Variants in MYT1L observed in about 807,000 individuals in gnomAD.
MYT1L encodes myelin transcription factor 1-like protein.
A neutral mutation model predicts 126.7 loss-of-function variants in MYT1L; 12 were observed. The observed-to-expected ratio is 0.09, with a 90% confidence interval of 0.06 to 0.15. MYT1L has a LOEUF of 0.15. Among genes scored for constraint, MYT1L ranks in the 10% least tolerant of loss-of-function variants. MYT1L has a pLI of 1.00. For synonymous variants in MYT1L, 541 were observed against 604.2 expected (o/e 0.90, Z 1.53); for missense variants, 979 against 1,585.2 (o/e 0.62, Z 6.49).
chr2:1,981,377 G>T (rs77307034), intron 5 of MYT1L, among the ~76,000 whole-genome samples: 2,586 of 152,308 alleles, frequency 0.017, 69 homozygotes, highest in African/African-American at 0.057. Context: ...TGGAAGCCAA[G>T]GAAAGATGCT....
intron 3 of MYT1L, among the ~76,000 whole-genome samples, chr2:2,081,072 A>G (rs535511795): frequency 6.6e-6 from 1 of 152,300 alleles, no homozygotes; most frequent in Admixed American, 6.5e-5. Flanking sequence ...AGAGGTTCTA[A>G]AGTTAGAATA....
Position 1,912,071 on chromosome 2 carries a change from G to A in MYT1L, c.1658C>T (p.Pro553Leu). The A allele has an allele frequency of 1.3e-6, 2 of 1,594,978 alleles. No homozygotes were observed. Among genetic ancestry groups the A allele is most frequent in the East Asian group, 2.3e-5 (1 of 44,240 alleles). The change falls in exon 12 of 25, where the codon CCG (proline) becomes CTG (leucine). Residue 553 changes from proline to leucine, a missense_variant. Physicochemically the swap from Pro to Leu is moderately conservative, Grantham distance 98 (BLOSUM62 -3). This residue lies in a region of MYT1L where 82 missense variants were observed against 177.2 expected (regional missense o/e 0.46). Transcript: ENST00000647738. The surrounding 1 kb of genome is among the most constrained non-coding windows in gnomAD (Gnocchi z 4.3). ...MHESVLKCPT[P>L]GCTGRGHVNS... ...GACATGCCCGCGCCCCGTGCAGCCCGGAGTGGGGCACTTGAGGACACTTTC... is the reference window on the plus strand; with the variant it reads ...GACATGCCCGCGCCCCGTGCAGCCCAGAGTGGGGCACTTGAGGACACTTTC...
intron 3 of MYT1L, among the ~76,000 whole-genome samples, chr2:2,156,746 C>T (rs569878978): frequency 3.8e-4 from 58 of 152,266 alleles, no homozygotes; most frequent in East Asian, 1.4e-3. Flanking sequence ...GCCTCCGGGG[C>T]CCCAGGGACA....
At position 2,313,516 on chromosome 2, in the gene MYT1L, G is replaced by GTT. The variant is rs137906027; in HGVS notation, c.-521+17449_-521+17450dup. Among the ~76,000 whole-genome samples, 711 of 146,358 alleles carry GTT rather than the reference G, an allele frequency of 4.9e-3. 5 individuals are homozygous for GTT. The highest frequency in any genetic ancestry group is 0.014 in the African/African-American group (569 of 39,796). Reference sequence around the variant, plus strand: ...AGTTTGAAATTAGTTTAAAATACCTGTTTTTTTTTTTAATGGAAATGGTAT... The same window carrying GTT: ...AGTTTGAAATTAGTTTAAAATACCTGTTTTTTTTTTTTTAATGGAAATGGTAT... On this transcript the variant is annotated intron_variant, in intron 1 of 24. Coordinates refer to ENST00000647738, the MANE Select transcript of MYT1L (RefSeq NM_001303052.2).
rs947650169 is a variant in MYT1L at position 2,228,930 on chromosome 2, C to A, written c.-421+55474G>T. ...GCAAGTTAATAAGAAGAAACACAAG[C>A]AGTAGAGAAGGATATGAAGTGAAAC... is the stretch of plus-strand genomic sequence containing the variant. On this transcript the variant is annotated intron_variant, in intron 2 of 24. Transcript: ENST00000647738. This position sits in a 1 kb window ranked among gnomAD's most constrained non-coding sequence, Gnocchi z 5.9. 6.6e-6 allele frequency among the ~76,000 whole-genome samples: 1 copy of A among 151,996 alleles called. No individual in the cohort carries two copies. The highest frequency in any genetic ancestry group is 2.1e-4 in the South Asian group (1 of 4,820).
Position 2,006,236 on chromosome 2 carries a change from T to C in MYT1L, c.-157-8889A>G, listed in dbSNP as rs138744766. ...AACAGTCTGCTTATAGCCTAGTTTC[T>C]CCATTTCATTAAAAAAAATGTTATC... On this transcript the variant is annotated intron_variant, in intron 4 of 24. Transcript: ENST00000647738. Among the ~76,000 whole-genome samples, 155 of 152,342 alleles carry C rather than the reference T, an allele frequency of 1.0e-3. 2 individuals carry two copies. The highest frequency in any genetic ancestry group is 3.5e-3 in the African/African-American group (147 of 41,582).
chr2:2,256,484 T>A (rs2094816796), intron 2 of MYT1L, among the ~76,000 whole-genome samples: 2 of 152,208 alleles, frequency 1.3e-5, no homozygotes, highest in African/African-American at 4.8e-5. Context: ...AATGGAGTAG[T>A]GGGAACAGGA....
chr2:1,836,608 T>C (rs1236584502), intron 21 of MYT1L, among the ~76,000 whole-genome samples: 1 of 149,102 alleles, frequency 6.7e-6, no homozygotes, highest in Non-Finnish European at 1.5e-5. Flanking sequence ...TACCCCAAGA[T>C]CCCATCAGCT....
intron 3 of MYT1L, among the ~76,000 whole-genome samples, chr2:2,114,545 T>G (rs908035857): frequency 1.3e-5 from 2 of 152,234 alleles, no homozygotes; most frequent in African/African-American, 4.8e-5. Context: ...CACTTTGTAA[T>G]TAGATAGTTA....
chr2:2,146,729 A>C (rs1339396127), intron 3 of MYT1L, among the ~76,000 whole-genome samples: 2 of 152,112 alleles, frequency 1.3e-5, no homozygotes, highest in African/African-American at 2.4e-5. Context: ...CTTACTCCTA[A>C]TTTTCTTGGT....
intron 2 of MYT1L, among the ~76,000 whole-genome samples, chr2:2,277,165 T>C (rs560827591): frequency 6.6e-6 from 1 of 152,082 alleles, no homozygotes; most frequent in Admixed American, 6.5e-5. Context: ...TTGTATTTTT[T>C]TTAGTAGAGA....
intron 3 of MYT1L, among the ~76,000 whole-genome samples, chr2:2,141,702 T>C (rs1386376831): frequency 1.3e-5 from 2 of 152,188 alleles, no homozygotes; most frequent in African/African-American, 2.4e-5. Flanking sequence ...TTTGAGGATG[T>C]GTTTGGATTT....
intron 3 of MYT1L, among the ~76,000 whole-genome samples, chr2:2,148,363 A>C (rs1041658712): frequency 6.6e-6 from 1 of 152,150 alleles, no homozygotes; most frequent in African/African-American, 2.4e-5. Flanking sequence ...TCAGTTCACA[A>C]TAGTGTTCGA....
intron 3 of MYT1L, among the ~76,000 whole-genome samples, chr2:2,167,044 G>C (rs996132036): frequency 2.0e-5 from 3 of 152,118 alleles, no homozygotes; most frequent in African/African-American, 4.8e-5. Context: ...TTCCGCCTCC[G>C]TCTTTTATGG....
intron 15 of MYT1L, among the ~76,000 whole-genome samples, chr2:1,891,155 G>T (rs1010486477): frequency 3.3e-5 from 5 of 152,252 alleles, no homozygotes; most frequent in Admixed American, 2.6e-4. Context: ...TTTGCAAAAC[G>T]TAAGATTACT....
chr2:2,143,288 T>C (rs1314682071), intron 3 of MYT1L, among the ~76,000 whole-genome samples: 2 of 107,798 alleles, frequency 1.9e-5, no homozygotes, highest in African/African-American at 3.8e-5. Context: ...AGACTCCGTC[T>C]CAAAAAAAAA....
rs925678435 is a variant in MYT1L, at chr2:1,791,366, T to C, written c.*501A>G. ...GCTATGAAACAATATGCACACAAAATGTATTTCTTAAATTCCATAAAGTCC... is the reference window on the plus strand; with the variant it reads ...GCTATGAAACAATATGCACACAAAACGTATTTCTTAAATTCCATAAAGTCC... On this transcript the variant is annotated 3_prime_UTR_variant, in exon 25 of 25. Coordinates refer to ENST00000647738, the MANE Select transcript of MYT1L (RefSeq NM_001303052.2). This position sits in a 1 kb window ranked among gnomAD's most constrained non-coding sequence, Gnocchi z 6.0. 4.7e-6 allele frequency: 2 copies of C among 427,174 alleles called. No homozygotes were observed. The highest frequency in any genetic ancestry group is 9.6e-6 in the Non-Finnish European group (2 of 208,956). The allele number at this position is 427,174 out of a possible 1,614,324, so 26.5% of individuals were successfully genotyped here.
chr2:2,143,127 A>G (rs2084279751), intron 3 of MYT1L, among the ~76,000 whole-genome samples: 1 of 151,190 alleles, frequency 6.6e-6, no homozygotes, highest in South Asian at 2.1e-4. Context: ...CGTCCCTACT[A>G]AAAATACAAA....
rs1558393556 is a variant in MYT1L, at chr2:1,917,840, T to A, written c.1484-501A>T. Among the ~76,000 whole-genome samples, 1 of 152,176 alleles carries A rather than the reference T, an allele frequency of 6.6e-6. No individual in the cohort carries two copies. Among genetic ancestry groups the A allele is most frequent in the Non-Finnish European group, 1.5e-5 (1 of 68,030 alleles). On this transcript the variant is annotated intron_variant, in intron 10 of 24. Coordinates refer to ENST00000647738, the MANE Select transcript of MYT1L (RefSeq NM_001303052.2). The surrounding 1 kb of genome is among the most constrained non-coding windows in gnomAD (Gnocchi z 5.9). ...CTGCAGGATTTTACTGACATTGAAATTTGCTCTCCGGAGGTCAAGTGACAT... is the reference window on the plus strand; with the variant it reads ...CTGCAGGATTTTACTGACATTGAAAATTGCTCTCCGGAGGTCAAGTGACAT...
Sources: gnomAD v4.1 joint callset for allele counts (sites outside exome capture counted in the v4.1 genomes callset) on GRCh38, gnomAD v4.1.1 for gene constraint, gnomAD v4.1.1 regional missense constraint, Gnocchi (gnomAD v3.1) non-coding constraint, MANE v1.5 for transcripts, NCBI Gene and HGNC (gene_info 2026-07-23, HGNC 2026-07-21) for gene names.